Variants in PPARGC1A observed in about 807,000 individuals in gnomAD.
PPARGC1A encodes PPARG coactivator 1 alpha, also known as peroxisome proliferator-activated receptor gamma coactivator 1-alpha.
Under a neutral mutation model 88.7 loss-of-function variants are expected in PPARGC1A, and 25 were observed. The observed-to-expected ratio is 0.28, with a 90% CI of 0.21 to 0.39. The LOEUF (loss-of-function observed/expected upper bound fraction) is 0.39. Among genes scored for constraint, PPARGC1A ranks in the 10% least tolerant of loss-of-function variants. The pLI is 1.00. For synonymous variants in PPARGC1A, 363 were observed against 355.6 expected (o/e 1.02, Z -0.24); for missense variants, 880 against 968.7 (o/e 0.91, Z 1.22).
the PPARGC1A span, among the ~76,000 whole-genome samples, chr4:24,436,417 AT>A: frequency 6.6e-6 from 1 of 152,192 alleles, no homozygotes; most frequent in African/African-American, 2.4e-5. Context: ...TCTATGAGCC[AT>A]CCCATAGCCC....
chr4:23,957,880 A>C, the PPARGC1A span, among the ~76,000 whole-genome samples: 267 of 152,260 alleles, frequency 1.8e-3, 1 homozygote, highest in African/African-American at 6.1e-3. Flanking sequence ...TTTAAAAAAC[A>C]TGAGGAAAAC....
At chr4:24,180,433 AATC>A in the PPARGC1A span, among the ~76,000 whole-genome samples, 6 of 152,206 alleles carry the variant, frequency 3.9e-5, no homozygotes, top group Non-Finnish European at 8.8e-5. Flanking sequence ...GCCACTTAAA[AATC>A]ATCATTCCGG....
chr4:23,818,296 G>A (rs934176408), intron 7 of PPARGC1A, among the ~76,000 whole-genome samples: 8 of 152,176 alleles, frequency 5.3e-5, no homozygotes, highest in Admixed American at 1.3e-4. Flanking sequence ...AGGCTGACAA[G>A]AGGCAGTTCC....
chr4:23,984,933 G>A, the PPARGC1A span, among the ~76,000 whole-genome samples: 1 of 152,062 alleles, frequency 6.6e-6, no homozygotes, highest in Non-Finnish European at 1.5e-5. Flanking sequence ...TGATGCCTTG[G>A]GGAAGATGTG....
At chr4:23,847,987 C>T (rs1390064858) in intron 2 of PPARGC1A, among the ~76,000 whole-genome samples, 1 of 152,078 alleles carries the variant, frequency 6.6e-6, no homozygotes, top group Non-Finnish European at 1.5e-5. Context: ...AATAATTAAT[C>T]AAAGTCAGCC....
the PPARGC1A span, among the ~76,000 whole-genome samples, chr4:24,041,663 A>T: frequency 0.19 from 29,438 of 152,144 alleles, 3,227 homozygotes; most frequent in Admixed American, 0.34. Flanking sequence ...GAGTATATAG[A>T]GATCATTCTC....
the PPARGC1A span, among the ~76,000 whole-genome samples, chr4:24,436,576 C>G: frequency 3.2e-4 from 48 of 149,666 alleles, no homozygotes; most frequent in East Asian, 4.0e-3. Context: ...ATTGGCCACC[C>G]CAGAGCCCGG....
the PPARGC1A span, among the ~76,000 whole-genome samples, chr4:24,197,031 G>A: frequency 7.2e-5 from 11 of 152,158 alleles, no homozygotes; most frequent in East Asian, 1.9e-4. Context: ...AAACTTACAC[G>A]GTGAAAGGTG....
chr4:24,071,940 A>G, the PPARGC1A span, among the ~76,000 whole-genome samples: 1 of 152,186 alleles, frequency 6.6e-6, no homozygotes, highest in East Asian at 1.9e-4. Context: ...GTATCTTATA[A>G]GAAGTTAAAT....
chr4:23,947,781 A>G, the PPARGC1A span, among the ~76,000 whole-genome samples: 1 of 152,088 alleles, frequency 6.6e-6, no homozygotes, highest in Admixed American at 6.6e-5. Context: ...GCCACCTGTT[A>G]GAGCAGGCTT....
At chr4:23,926,345 G>GTAACCCAATCCACCC in the PPARGC1A span, among the ~76,000 whole-genome samples, 1 of 152,140 alleles carries the variant, frequency 6.6e-6, no homozygotes, top group Non-Finnish European at 1.5e-5. Flanking sequence ...TTGAAAAGAA[G>GTAACCCAATCCACCC]TAACCCAATC....
At chr4:24,097,277 G>A in the PPARGC1A span, among the ~76,000 whole-genome samples, 1 of 152,144 alleles carries the variant, frequency 6.6e-6, no homozygotes, top group Non-Finnish European at 1.5e-5. Context: ...AAAAGTCTGG[G>A]GTGAAGGGAG....
the PPARGC1A span, among the ~76,000 whole-genome samples, chr4:24,354,736 A>C: frequency 1.3e-5 from 2 of 151,980 alleles, no homozygotes; most frequent in Non-Finnish European, 2.9e-5. Context: ...AATACAAAAA[A>C]ATTAGCCGGG....
the PPARGC1A span, among the ~76,000 whole-genome samples, chr4:24,305,229 G>A: frequency 6.7e-6 from 1 of 149,406 alleles, no homozygotes; most frequent in Non-Finnish European, 1.5e-5. Context: ...AATTTTCTTA[G>A]TGATAGCATG....
the PPARGC1A span, among the ~76,000 whole-genome samples, chr4:24,329,916 C>T: frequency 6.6e-6 from 1 of 152,180 alleles, no homozygotes; most frequent in Non-Finnish European, 1.5e-5. Flanking sequence ...AGTATTCTCT[C>T]CTACCTCTCC....
intron 1 of PPARGC1A, among the ~76,000 whole-genome samples, chr4:23,888,508 C>G (rs777507358): frequency 4.6e-5 from 7 of 152,174 alleles, no homozygotes; most frequent in Non-Finnish European, 8.8e-5. Flanking sequence ...TACTCAAAGG[C>G]AATTAGGACT....
rs201908268 is a variant in PPARGC1A, at chr4:23,828,880, G to A, written c.553-276C>T. Among the ~76,000 whole-genome samples the A allele has an allele frequency of 3.3e-5, 5 of 152,042 alleles. No individual in the cohort carries two copies. In the East Asian group the frequency reaches 9.6e-4, roughly 29 times the overall value. On this transcript the variant is annotated intron_variant, in intron 4 of 12. Coordinates refer to ENST00000264867, the MANE Select transcript of PPARGC1A (RefSeq NM_013261.5). The stretch of plus-strand genomic sequence containing the variant: ...CAAGACCCTACAGCGCCTTTATTGT[G>A]AATAAAAAAAATCGGCTGGCTTAAA...
chr4:24,336,053 C>T, the PPARGC1A span, among the ~76,000 whole-genome samples: 26,013 of 152,016 alleles, frequency 0.17, 2,348 homozygotes, highest in Non-Finnish European at 0.19. Context: ...TTTTTTCCCC[C>T]GTTTTTATGC....
At chr4:24,023,718 G>C in the PPARGC1A span, among the ~76,000 whole-genome samples, 1 of 152,178 alleles carries the variant, frequency 6.6e-6, no homozygotes, top group African/African-American at 2.4e-5. Context: ...ATTCTAGCCA[G>C]AGATTGTCCT....
Sources: gnomAD v4.1 joint callset for allele counts (sites outside exome capture counted in the v4.1 genomes callset) on GRCh38, gnomAD v4.1.1 for gene constraint, MANE v1.5 for transcripts, NCBI Gene and HGNC (gene_info 2026-07-23, HGNC 2026-07-21) for gene names.